The following CNTNAP5 variants were observed in gnomAD, a reference collection of about 807,000 sequenced individuals.
CNTNAP5 encodes contactin associated protein family member 5, also known as contactin-associated protein-like 5.
A neutral mutation model predicts 150.2 loss-of-function variants in CNTNAP5; 72 were observed. The observed-to-expected ratio is 0.48, with a 90% CI of 0.40 to 0.58. The LOEUF (loss-of-function observed/expected upper bound fraction) is 0.58, where lower values mean the gene tolerates loss of function less well. CNTNAP5 is among the 20% of genes least tolerant of loss of function. The pLI is 0.00. For missense variants in CNTNAP5, 1,636 were observed against 1,626.2 expected, an observed-to-expected ratio of 1.01 and a Z score of -0.10; for synonymous variants, 672 against 619.8, an observed-to-expected ratio of 1.08 and a Z score of -1.25.
chr2:124,188,872 C>G (rs1685397096), intron 1 of CNTNAP5, among the ~76,000 whole-genome samples: 1 of 152,120 alleles, frequency 6.6e-6, no homozygotes, highest in African/African-American at 2.4e-5. Flanking sequence ...TTCAGACATT[C>G]TGCCATCATG....
At chr2:124,547,109 A>G (rs775053224) in intron 10 of CNTNAP5, among the ~76,000 whole-genome samples, 28 of 152,114 alleles carry the variant, frequency 1.8e-4, no homozygotes, top group Non-Finnish European at 4.0e-4. Context: ...GATAGCAAAT[A>G]GACTGCAAGT....
intron 11 of CNTNAP5, among the ~76,000 whole-genome samples, chr2:124,601,786 A>T (rs1033297960): frequency 6.6e-6 from 1 of 152,246 alleles, no homozygotes; most frequent in Non-Finnish European, 1.5e-5. Context: ...TTAATTATTA[A>T]ACTGTAGTAT....
intron 8 of CNTNAP5, among the ~76,000 whole-genome samples, chr2:124,519,693 A>G (rs1427309448): frequency 2.0e-5 from 3 of 152,246 alleles, no homozygotes; most frequent in African/African-American, 4.8e-5. Flanking sequence ...GGCATTTGTT[A>G]CTGGTAGTGT....
At chr2:124,734,479 G>A (rs1420951429) in intron 13 of CNTNAP5, among the ~76,000 whole-genome samples, 2 of 151,900 alleles carry the variant, frequency 1.3e-5, no homozygotes, top group Non-Finnish European at 2.9e-5. Flanking sequence ...GAAGCAAAAG[G>A]GAATGGGAAT....
intron 16 of CNTNAP5, among the ~76,000 whole-genome samples, chr2:124,764,740 G>A (rs374041858): frequency 3.1e-4 from 47 of 151,964 alleles, no homozygotes; most frequent in African/African-American, 1.1e-3. Context: ...GAAAAATAAT[G>A]GGAATACAGA....
chr2:124,881,339 G>A (rs1558811776), intron 21 of CNTNAP5, among the ~76,000 whole-genome samples: 1 of 151,840 alleles, frequency 6.6e-6, no homozygotes, highest in Non-Finnish European at 1.5e-5. Context: ...GGAAGATTTG[G>A]GTAATTCACT....
chr2:124,598,639 A>C, intron 11 of CNTNAP5, among the ~76,000 whole-genome samples: 1 of 150,824 alleles, frequency 6.6e-6, no homozygotes, highest in South Asian at 2.1e-4. Context: ...CTACAGAGGC[A>C]GGCAGGCCTC....
At chr2:124,161,927 T>C (rs991705338) in intron 1 of CNTNAP5, among the ~76,000 whole-genome samples, 1 of 152,202 alleles carries the variant, frequency 6.6e-6, no homozygotes, top group Non-Finnish European at 1.5e-5. Flanking sequence ...ATTTGAGACA[T>C]ATTTAATCAT....
At position 124,713,256 on chromosome 2, in the gene CNTNAP5, T is replaced by A. The variant is rs558026549; in HGVS notation, c.2078-33973T>A. ...CTTTCTTTCTTTCTCTTTCTTTCTT[T>A]CTTTCTTTCTTTCTTTCTTTCTTTC... is the stretch of plus-strand genomic sequence containing the variant. On this transcript the variant is annotated intron_variant, in intron 13 of 23. Transcript: ENST00000682447. Among the ~76,000 whole-genome samples the A allele has an allele frequency of 3.1e-4, 35 of 114,228 alleles. 2 individuals are homozygous for A. The highest frequency in any genetic ancestry group is 1.1e-3 in the Admixed American group (12 of 11,312). 74.9% of individuals were successfully genotyped at this position (114,228 alleles called of 152,430 possible).
At chr2:124,220,377 C>T (rs1292511874) in intron 1 of CNTNAP5, among the ~76,000 whole-genome samples, 1 of 152,054 alleles carries the variant, frequency 6.6e-6, no homozygotes, top group African/African-American at 2.4e-5. Context: ...ATCGATCCTG[C>T]CTCCCATTCT....
chr2:124,253,163 T>G (rs1687228606), intron 3 of CNTNAP5, among the ~76,000 whole-genome samples: 1 of 151,992 alleles, frequency 6.6e-6, no homozygotes, highest in Non-Finnish European at 1.5e-5. Context: ...AATTTTTTTC[T>G]CATTAATGTT....
intron 11 of CNTNAP5, among the ~76,000 whole-genome samples, chr2:124,600,731 CAGAGAGAGAGAGAGAGAG>C (rs374118230): frequency 4.8e-5 from 6 of 124,058 alleles, no homozygotes; most frequent in Non-Finnish European, 9.9e-5. Context: ...CAACAATACT[CAGAGAGAGAGAGAGAGAG>C]AGAGAGAGAG....
At chr2:124,741,527 TA>T (rs1364235877) in intron 13 of CNTNAP5, among the ~76,000 whole-genome samples, 1 of 152,206 alleles carries the variant, frequency 6.6e-6, no homozygotes, top group Admixed American at 6.5e-5. Flanking sequence ...TCTTACAATA[TA>T]AAAATCATCA....
At chr2:124,613,920 A>G (rs1677441696) in intron 12 of CNTNAP5, among the ~76,000 whole-genome samples, 1 of 152,182 alleles carries the variant, frequency 6.6e-6, no homozygotes, top group Non-Finnish European at 1.5e-5. Context: ...CCTTGGAACT[A>G]TGTTCTAAGT....
At chr2:124,750,472 A>G (rs1680700355) in intron 14 of CNTNAP5, among the ~76,000 whole-genome samples, 1 of 152,142 alleles carries the variant, frequency 6.6e-6, no homozygotes, top group South Asian at 2.1e-4. Context: ...GGTTTTTATA[A>G]ATACTTTATT....
At chr2:124,823,024 G>A (rs1175111954) in intron 19 of CNTNAP5, among the ~76,000 whole-genome samples, 1 of 152,138 alleles carries the variant, frequency 6.6e-6, no homozygotes, top group Non-Finnish European at 1.5e-5. Flanking sequence ...TCATAGTCTT[G>A]CAAAATACAA....
chr2:124,760,497 A>G (rs1680934591), intron 14 of CNTNAP5, among the ~76,000 whole-genome samples: 1 of 152,072 alleles, frequency 6.6e-6, no homozygotes, highest in Non-Finnish European at 1.5e-5. Flanking sequence ...TTGGTGAAAT[A>G]CCAAAATTCA....
intron 21 of CNTNAP5, among the ~76,000 whole-genome samples, chr2:124,872,268 A>G (rs1003459430): frequency 3.3e-4 from 50 of 151,968 alleles, no homozygotes; most frequent in Non-Finnish European, 6.6e-4. Flanking sequence ...ATTAATAGTT[A>G]TTAAACATTT....
intron 1 of CNTNAP5, 126 bp downstream of exon 1, chr2:124,025,858 A>G (rs72976573): frequency 1.2e-6 from 1 of 823,284 alleles, no homozygotes; most frequent in Admixed American, 2.0e-5. Flanking sequence ...AAAAATGCTG[A>G]TCAGTGTGGT....
Sources: allele counts gnomAD v4.1 joint callset (sites outside exome capture counted in the v4.1 genomes callset), GRCh38; gene constraint gnomAD v4.1.1; transcripts MANE v1.5; gene names NCBI Gene and HGNC (gene_info 2026-07-23, HGNC 2026-07-21).